DDHD1: variants seen among roughly 807,000 people sequenced by gnomAD.
DDHD1 encodes the protein phospholipase DDHD1.
DDHD1 carries 49 observed loss-of-function variants against 96.4 expected under a neutral mutation model. The ratio of observed to expected loss-of-function variants is 0.51; its 90% confidence interval spans 0.40 to 0.64. The LOEUF is 0.64. Ranked by LOEUF, DDHD1 falls within the 30% of genes least tolerant of loss-of-function variation. The pLI, the probability that DDHD1 is intolerant of heterozygous loss-of-function variation, is 0.00. For missense variants in DDHD1, 1,106 were observed against 1,161.2 expected, an observed-to-expected ratio of 0.95 and a Z score of 0.69; for synonymous variants, 442 against 446.5, an observed-to-expected ratio of 0.99 and a Z score of 0.13.
chr14:53,090,830 C>G (rs1192980254), intron 4 of DDHD1, among the ~76,000 whole-genome samples: 2 of 151,786 alleles, frequency 1.3e-5, no homozygotes, highest in African/African-American at 4.8e-5. Context: ...ATGTAACAAT[C>G]CTGCAGGTTG....
chr14:53,118,862 C>T (rs1180797319), intron 1 of DDHD1, among the ~76,000 whole-genome samples: 1 of 152,074 alleles, frequency 6.6e-6, no homozygotes, highest in African/African-American at 2.4e-5. Flanking sequence ...CATTAATTGT[C>T]AGATTCACCA....
rs548735262 is a variant in DDHD1, at chr14:53,061,225, TAC to T, written c.1767-26_1767-25del. The stretch of plus-strand genomic sequence containing the variant: ...GCCTAAGAAGGGGTATGAGATTATA[TAC>T]ACACACGTATTTATAATTTCATAAA... On this transcript the variant is annotated intron_variant, in intron 7 of 12. Coordinates refer to ENST00000673822, the MANE Select transcript of DDHD1 (RefSeq NM_001160148.2). 3.8e-6 allele frequency: 6 copies of T among 1,573,724 alleles called. No homozygotes were observed. The South Asian group carries it at 7.1e-5, about 19-fold the overall frequency.
intron 1 of DDHD1, among the ~76,000 whole-genome samples, chr14:53,146,915 T>A (rs570581004): frequency 6.6e-6 from 1 of 152,156 alleles, no homozygotes; most frequent in East Asian, 1.9e-4. Context: ...ATCTGTACCC[T>A]TCATCAATGC....
chr14:53,144,260 T>C (rs1466545028), intron 1 of DDHD1, among the ~76,000 whole-genome samples: 1 of 152,264 alleles, frequency 6.6e-6, no homozygotes, highest in Non-Finnish European at 1.5e-5. Flanking sequence ...GGGTAACTTG[T>C]GCTAATCTTA....
chr14:53,150,347 T>C (rs1891259561), intron 1 of DDHD1, among the ~76,000 whole-genome samples: 1 of 152,296 alleles, frequency 6.6e-6, no homozygotes, highest in African/African-American at 2.4e-5. Context: ...TGCACTGTAT[T>C]CCCCCACTAG....
intron 7 of DDHD1, among the ~76,000 whole-genome samples, chr14:53,062,415 A>G (rs1883663883): frequency 6.6e-6 from 1 of 152,122 alleles, no homozygotes; most frequent in South Asian, 2.1e-4. Flanking sequence ...ATAGGAATGC[A>G]GCAAAGAATT....
intron 1 of DDHD1, among the ~76,000 whole-genome samples, chr14:53,130,453 T>A (rs1889784879): frequency 6.6e-6 from 1 of 152,170 alleles, no homozygotes; most frequent in Non-Finnish European, 1.5e-5. Context: ...GTCCGTCTTA[T>A]TCTCAACATA....
chr14:53,099,892 T>C (rs1465284026), intron 2 of DDHD1, among the ~76,000 whole-genome samples: 1 of 152,156 alleles, frequency 6.6e-6, no homozygotes, highest in Non-Finnish European at 1.5e-5. Flanking sequence ...GGGTTATCTT[T>C]ATTTGTATGC....
intron 3 of DDHD1, chr14:53,092,152 G>A: frequency 2.8e-6 from 1 of 355,360 alleles, no homozygotes; most frequent in Non-Finnish European, 5.0e-6. Flanking sequence ...AGAAAGAAAT[G>A]GAAGGAAAGA....
chr14:53,140,627 T>A (rs1241767056), intron 1 of DDHD1, among the ~76,000 whole-genome samples: 3 of 151,462 alleles, frequency 2.0e-5, no homozygotes, highest in Non-Finnish European at 2.9e-5. Context: ...TAGAAGAGAA[T>A]CATTAAACAA....
intron 1 of DDHD1, among the ~76,000 whole-genome samples, chr14:53,112,398 A>C (rs761274343): frequency 2.6e-5 from 4 of 151,838 alleles, no homozygotes; most frequent in Non-Finnish European, 5.9e-5. Context: ...GCCTGGCAAC[A>C]GAGCGAGACT....
rs1447391344 is a variant in DDHD1 at position 53,043,421 on chromosome 14, G to GTGTGTGTGTGTT, written c.*3346_*3347insAACACACACACA. 27 of 152,050 alleles carry GTGTGTGTGTGTT rather than the reference G, an allele frequency of 1.8e-4. No individual in the cohort carries two copies. Among genetic ancestry groups the GTGTGTGTGTGTT allele is most frequent in the African/African-American group, 6.0e-4 (25 of 41,398 alleles). 9.4% of individuals were successfully genotyped at this position (152,050 alleles called of 1,614,324 possible). A position where few individuals can be genotyped will look rare whatever the true frequency, so the allele number is the denominator to read the frequency against. On this transcript the variant is annotated 3_prime_UTR_variant, in exon 13 of 13. Coordinates refer to ENST00000673822, the MANE Select transcript of DDHD1 (RefSeq NM_001160148.2). ...TGTGTGTGTGTGTGTGTGTGTGTGTGTAAATACATACTTTTTTTTTTTGGA... is the reference window on the plus strand; with the variant it reads ...TGTGTGTGTGTGTGTGTGTGTGTGTGTGTGTGTGTGTTTAAATACATACTTTTTTTTTTTGGA...
At chr14:53,087,183 G>C (rs1160237572) in intron 4 of DDHD1, among the ~76,000 whole-genome samples, 1 of 151,928 alleles carries the variant, frequency 6.6e-6, no homozygotes, top group Non-Finnish European at 1.5e-5. Context: ...ACCCTACAAA[G>C]AGACTTAGAC....
rs539944336 is a variant in DDHD1, at chr14:53,103,204, T to C, written c.1012+479A>G. On this transcript the variant is annotated intron_variant, in intron 2 of 12. Coordinates refer to ENST00000673822, the MANE Select transcript of DDHD1 (RefSeq NM_001160148.2). ...AATATGCAAGTGCTGAATAAAGAAA[T>C]GTAATGAGTAGATTGTTTCAAATTA... 1.8e-5 allele frequency: 11 copies of C among 620,852 alleles called. No individual in the cohort carries two copies. The African/African-American group carries it at 1.9e-4, about 11-fold the overall frequency. The allele number at this position is 620,852 out of a possible 1,614,324, so 38.5% of individuals were successfully genotyped here. A position where few individuals can be genotyped will look rare whatever the true frequency, so the allele number is the denominator to read the frequency against.
In DDHD1 at chr14:53,125,230, T is replaced by C. The variant is rs1009804550; in HGVS notation, c.839-21374A>G. Among the ~76,000 whole-genome samples the C allele has an allele frequency of 2.0e-5, 3 of 152,204 alleles. No individual in the cohort carries two copies. In the East Asian group the frequency reaches 5.8e-4, roughly 29 times the overall value. On this transcript the variant is annotated intron_variant, in intron 1 of 12. Transcript: ENST00000673822. ...GTAGCTTTTATATATTCTCAATTCT[T>C]TGCATCTCAATTTGGAGAAGAGACT...
At chr14:53,109,839 A>G (rs1423493141) in intron 1 of DDHD1, among the ~76,000 whole-genome samples, 1 of 152,210 alleles carries the variant, frequency 6.6e-6, no homozygotes, top group African/African-American at 2.4e-5. Flanking sequence ...CCAAAGTTTG[A>G]GTTCAAAGTT....
intron 4 of DDHD1, among the ~76,000 whole-genome samples, chr14:53,090,641 G>A (rs748502323): frequency 1.3e-5 from 2 of 152,214 alleles, no homozygotes; most frequent in South Asian, 2.1e-4. Context: ...ACCAAACACC[G>A]TATGTTCTCA....
Position 53,043,364 on chromosome 14 carries a change from A to G in DDHD1, c.*3404T>C, listed in dbSNP as rs901023939. On this transcript the variant is annotated 3_prime_UTR_variant, in exon 13 of 13. Transcript: ENST00000673822. ...GTAAGATTCCTAAGGCTTGCTTCAC[A>G]TACAAAAGAGCAGTTATTAGAACAT... 6.6e-6 allele frequency: 1 copy of G among 152,036 alleles called. No individual in the cohort carries two copies. The highest frequency in any genetic ancestry group is 1.5e-5 in the Non-Finnish European group (1 of 68,072). The allele number at this position is 152,036 out of a possible 1,614,324, so 9.4% of individuals were successfully genotyped here.
chr14:53,152,116 C>CAG, intron 1 of DDHD1, 145 bp downstream of exon 1: 1 of 806,650 alleles, frequency 1.2e-6, no homozygotes, highest in Non-Finnish European at 1.8e-6. Context: ...TGCCGACGCT[C>CAG]CCTGCTCAAT....
Sources: gnomAD v4.1 joint callset for allele counts (sites outside exome capture counted in the v4.1 genomes callset) on GRCh38, gnomAD v4.1.1 for gene constraint, MANE v1.5 for transcripts, NCBI Gene and HGNC (gene_info 2026-07-23, HGNC 2026-07-21) for gene names.